GNE: variants seen among roughly 807,000 people sequenced by gnomAD.
GNE encodes the protein glucosamine (UDP-N-acetyl)-2-epimerase/N-acetylmannosamine kinase, also known as bifunctional UDP-N-acetylglucosamine 2-epimerase/N-acetylmannosamine kinase.
Under a neutral mutation model 61.8 loss-of-function variants are expected in GNE, and 41 were observed. That is an observed-to-expected ratio of 0.66 (90% CI 0.52 to 0.86). The LOEUF is 0.86. Ranked by LOEUF, GNE falls within the 40% of genes least tolerant of loss-of-function variation. The pLI, the probability that GNE is intolerant of heterozygous loss-of-function variation, is 0.00. For missense variants in GNE, 608 were observed against 909.1 expected, an observed-to-expected ratio of 0.67 and a Z score of 4.26; for synonymous variants, 264 against 326.4, an observed-to-expected ratio of 0.81 and a Z score of 2.06.
chr9:36,249,247 C>G lies in GNE; in HGVS notation c.109G>C (p.Glu37Gln). 1 of 1,614,170 alleles carries G rather than the reference C, an allele frequency of 6.2e-7. No homozygotes were observed. Among genetic ancestry groups the G allele is most frequent in the Non-Finnish European group, 8.5e-7 (1 of 1,180,010 alleles). ...PIMFGIKTEP[E>Q]FFELDVVVLG... Reference sequence around the variant, plus strand: ...ACCACAACATCAAGTTCAAAGAACTCAGGTTCGGTTTTAATGCCAAACATG... The same window carrying G: ...ACCACAACATCAAGTTCAAAGAACTGAGGTTCGGTTTTAATGCCAAACATG... The change falls in exon 2 of 12, where the codon GAG becomes CAG. Residue 37 changes from glutamate (E) to glutamine (Q), a missense_variant. Glu to Gln is a conservative substitution (Grantham distance 29). Coordinates refer to ENST00000642385, the MANE Select transcript of GNE (RefSeq NM_005476.7).
chr9:36,246,254 A>T lies in GNE; in HGVS notation c.393T>A (p.Leu131=). 1 of 1,614,168 alleles carries T rather than the reference A, an allele frequency of 6.2e-7. No homozygotes were observed. The highest frequency in any genetic ancestry group is 8.5e-7 in the Non-Finnish European group (1 of 1,180,008). The part of the protein sequence containing the change: ...TSAALMNIRI[L]HIEGGEVSGT... The stretch of plus-strand genomic sequence containing the variant: ...CACTGACTTCCCCACCTTCAATGTG[A>T]AGGATTCGGATGTTCATCAAGGCAG... Residue 131 remains leucine, a synonymous_variant, in exon 3 of 12, where the codon CTT becomes CTA. Transcript: ENST00000642385.
chr9:36,230,810 G>C (rs1220823803), intron 5 of GNE, among the ~76,000 whole-genome samples: 1 of 151,962 alleles, frequency 6.6e-6, no homozygotes, highest in Non-Finnish European at 1.5e-5. Flanking sequence ...ACCCAAGCTA[G>C]GGTCGAACTC....
At position 36,227,982 on chromosome 9, in the gene GNE, G is replaced by A. The variant is rs1301960537; in HGVS notation, c.1071-524C>T. On this transcript the variant is annotated intron_variant, in intron 6 of 11. Transcript: ENST00000642385. ...CGGGAAGCGGAGGTTGCAGTGAGTCGAGATCGCACCACTGCACTCCAGCCT... is the reference window on the plus strand; with the variant it reads ...CGGGAAGCGGAGGTTGCAGTGAGTCAAGATCGCACCACTGCACTCCAGCCT... Among the ~76,000 whole-genome samples, 10 of 141,684 alleles carry A rather than the reference G, an allele frequency of 7.1e-5. No individual in the cohort carries two copies. In the East Asian group the frequency reaches 1.0e-3, roughly 15 times the overall value. The allele number at this position is 141,684 out of a possible 152,430, so 93.0% of individuals were successfully genotyped here. A position where few individuals can be genotyped will look rare whatever the true frequency, so the allele number is the denominator to read the frequency against.
At chr9:36,225,595 A>G (rs561404276) in intron 7 of GNE, among the ~76,000 whole-genome samples, 4 of 152,308 alleles carry the variant, frequency 2.6e-5, no homozygotes, top group East Asian at 3.9e-4. Context: ...AGATCACGCC[A>G]CTGCACTCCA....
At chr9:36,246,584 T>G (rs1009536019) in intron 2 of GNE, 102 bp from the exon 3 acceptor site, 9 of 709,020 alleles carry the variant, frequency 1.3e-5, no homozygotes, top group Non-Finnish European at 2.0e-5. Context: ...TGAGAAACAT[T>G]AAAATAAATA....
In GNE at chr9:36,216,665, A is replaced by AT. The variant is rs1491150433; in HGVS notation, c.*699dup. ...GATTATTATTATTATTATTATTATT[A>AT]TTATTATTTATTATTATTATTTTTG... On this transcript the variant is annotated 3_prime_UTR_variant, in exon 12 of 12. Coordinates refer to ENST00000642385, the MANE Select transcript of GNE (RefSeq NM_005476.7). 2 of 100,678 alleles carry AT rather than the reference A, an allele frequency of 2.0e-5. No individual in the cohort carries two copies. Among genetic ancestry groups the AT allele is most frequent in the African/African-American group, 3.4e-5 (1 of 29,262 alleles). The allele number at this position is 100,678 out of a possible 1,614,324, so 6.2% of individuals were successfully genotyped here.
In GNE at chr9:36,258,327, C is replaced by T; in HGVS notation, c.-49G>A. ...GCCGCCGCGCGGCTCTCACCAGACGCCGTCAGAGGCTCCCTCCCACGCCGC... is the reference window on the plus strand; with the variant it reads ...GCCGCCGCGCGGCTCTCACCAGACGTCGTCAGAGGCTCCCTCCCACGCCGC... On this transcript the variant is annotated 5_prime_UTR_variant, in exon 1 of 12. Transcript: ENST00000642385. 1 of 985,350 alleles carries T rather than the reference C, an allele frequency of 1.0e-6. No individual in the cohort carries two copies. Among genetic ancestry groups the T allele is most frequent in the Non-Finnish European group, 1.2e-6 (1 of 829,886 alleles). 61.0% of individuals were successfully genotyped at this position (985,350 alleles called of 1,614,324 possible).
At chr9:36,244,855 G>T (rs1356867100) in intron 3 of GNE, among the ~76,000 whole-genome samples, 1 of 150,996 alleles carries the variant, frequency 6.6e-6, no homozygotes, top group Non-Finnish European at 1.5e-5. Flanking sequence ...CAGGAGAATC[G>T]CTTGAACCCG....
chr9:36,261,527 T>C (rs983542456), upstream of GNE, among the ~76,000 whole-genome samples: 5 of 136,796 alleles, frequency 3.7e-5, no homozygotes, highest in African/African-American at 1.4e-4. Context: ...CACTCCAGCC[T>C]GGGCGACAGA....
chr9:36,263,445 A>G (rs144221004), upstream of GNE: 1,896 of 158,034 alleles, frequency 0.012, 35 homozygotes, highest in African/African-American at 0.041. Context: ...GATTACAGGT[A>G]TGAGCCACCG....
intron 1 of GNE, among the ~76,000 whole-genome samples, chr9:36,256,170 G>A (rs572233026): frequency 2.0e-5 from 3 of 149,494 alleles, no homozygotes; most frequent in Non-Finnish European, 3.0e-5. Flanking sequence ...CAGGTGATCC[G>A]CCGCCTGGCC....
intron 7 of GNE, among the ~76,000 whole-genome samples, chr9:36,224,186 A>C (rs952401219): frequency 6.6e-6 from 1 of 151,994 alleles, no homozygotes; most frequent in African/African-American, 2.4e-5. Context: ...TCACGCCTGT[A>C]ATCCCGGCAC....
intron 3 of GNE, among the ~76,000 whole-genome samples, chr9:36,244,156 G>A (rs944746837): frequency 1.4e-4 from 21 of 151,940 alleles, no homozygotes; most frequent in African/African-American, 3.6e-4. Flanking sequence ...TAGAGACAGC[G>A]TCTTGCTATG....
chr9:36,257,703 T>C (rs1007982754), intron 1 of GNE, among the ~76,000 whole-genome samples: 22 of 144,878 alleles, frequency 1.5e-4, no homozygotes, highest in South Asian at 6.6e-4. Context: ...CTCGGGAGGC[T>C]GAGGCAGGAG....
In GNE at chr9:36,218,033, T is replaced by C; in HGVS notation, c.1933+150A>G. 2 of 760,980 alleles carry C rather than the reference T, an allele frequency of 2.6e-6. No individual in the cohort carries two copies. Among genetic ancestry groups the C allele is most frequent in the Non-Finnish European group, 4.8e-6 (2 of 415,134 alleles). 47.1% of individuals were successfully genotyped at this position (760,980 alleles called of 1,614,324 possible). On this transcript the variant is annotated intron_variant, in intron 11 of 11. Transcript: ENST00000642385. The surrounding 1 kb of genome is among the most constrained non-coding windows in gnomAD (Gnocchi z 4.1). The stretch of plus-strand genomic sequence containing the variant: ...AAATACCTTGAATCCAATTCCCTTT[T>C]TACCTCTGAGTAATTAGGAAAGAAA...
intron 9 of GNE, among the ~76,000 whole-genome samples, chr9:36,221,409 A>C (rs1467936176): frequency 6.6e-6 from 1 of 152,220 alleles, no homozygotes; most frequent in African/African-American, 2.4e-5. Flanking sequence ...TATCTGTATC[A>C]GATGCTGGCT....
At chr9:36,223,299 A>AG in intron 8 of GNE, 74 bp downstream of exon 8, 1 of 1,322,470 alleles carries the variant, frequency 7.6e-7, no homozygotes, top group Non-Finnish European at 1.1e-6. Context: ...CTTGATGCTC[A>AG]GGCATGCATC....
intron 1 of GNE, chr9:36,265,503 TG>T (rs1830745901): frequency 2.2e-6 from 1 of 456,282 alleles, no homozygotes; most frequent in South Asian, 1.5e-5. Context: ...CAACAAGAGG[TG>T]GAATAAACTG....
intron 9 of GNE, among the ~76,000 whole-genome samples, chr9:36,220,848 T>C (rs79706990): frequency 0.017 from 2,514 of 152,362 alleles, 62 homozygotes; most frequent in East Asian, 0.15. Flanking sequence ...GTAAAGGGTA[T>C]TGTGCCTGAG....
Sources: gnomAD v4.1 joint callset for allele counts (sites outside exome capture counted in the v4.1 genomes callset) on GRCh38, gnomAD v4.1.1 for gene constraint, Gnocchi (gnomAD v3.1) non-coding constraint, MANE v1.5 for transcripts, NCBI Gene and HGNC (gene_info 2026-07-23, HGNC 2026-07-21) for gene names.